The following USP6NL variants were observed in gnomAD, a reference collection of about 807,000 sequenced individuals.
The protein encoded by USP6NL is USP6 N-terminal-like protein.
In USP6NL, 26 loss-of-function variants were observed where a neutral mutation model predicts 61.9. The ratio of observed to expected loss-of-function variants is 0.42; its 90% CI spans 0.31 to 0.58. The LOEUF is 0.58. Ranked by LOEUF, USP6NL falls within the 20% of genes least tolerant of loss-of-function variation. USP6NL has a pLI of 0.16. For synonymous variants in USP6NL, 432 were observed against 390.1 expected, an observed-to-expected ratio of 1.11 and a Z score of -1.27; for missense variants, 1,114 against 1,034.3, an observed-to-expected ratio of 1.08 and a Z score of -1.06.
rs1174626425 is a variant in USP6NL, at chr10:11,598,284, C to T, written c.-83-567G>A. On this transcript the variant is annotated intron_variant, in intron 1 of 14. Transcript: ENST00000609104. The surrounding 1 kb of genome is among the most constrained non-coding windows in gnomAD (Gnocchi z 4.7). ...CATATTACCCTAACCCCTACATCTA[C>T]CCAATCATTTGGGACATATTTCCTT... Among the ~76,000 whole-genome samples, 1 of 152,120 alleles carries T rather than the reference C, an allele frequency of 6.6e-6. No individual in the cohort carries two copies. Among genetic ancestry groups the T allele is most frequent in the Non-Finnish European group, 1.5e-5 (1 of 68,014 alleles).
At chr10:11,472,591 C>G (rs918529415) in intron 14 of USP6NL, among the ~76,000 whole-genome samples, 5 of 152,230 alleles carry the variant, frequency 3.3e-5, no homozygotes, top group South Asian at 4.1e-4. Flanking sequence ...TTATCCCCTT[C>G]CAGATCAAAC....
At chr10:11,601,638 T>C (rs1838534944) in intron 1 of USP6NL, among the ~76,000 whole-genome samples, 2 of 152,228 alleles carry the variant, frequency 1.3e-5, no homozygotes, top group South Asian at 4.1e-4. Context: ...ACCACATATA[T>C]AAAGGGGTTA....
At chr10:11,580,266 A>G (rs1837707188) in intron 2 of USP6NL, among the ~76,000 whole-genome samples, 1 of 152,136 alleles carries the variant, frequency 6.6e-6, no homozygotes, top group Non-Finnish European at 1.5e-5. Flanking sequence ...TAAACAATAT[A>G]ATTTCTAAAA....
intron 14 of USP6NL, among the ~76,000 whole-genome samples, chr10:11,469,216 A>G (rs1832618616): frequency 6.6e-6 from 1 of 152,188 alleles, no homozygotes; most frequent in Non-Finnish European, 1.5e-5. Context: ...GCAGCCCCTA[A>G]TATCTTTTCC....
chr10:11,463,364 G>C lies in USP6NL; in HGVS notation c.1564C>G (p.Pro522Ala). Residue 522 changes from proline (P) to alanine (A), a missense_variant, in exon 15 of 15, where the codon CCT (proline) becomes GCT (alanine). Pro to Ala is a conservative substitution (Grantham distance 27). Coordinates refer to ENST00000609104, the MANE Select transcript of USP6NL (RefSeq NM_014688.5). This position sits in a 1 kb window ranked among gnomAD's most constrained non-coding sequence, Gnocchi z 6.3. ...ACGTTTGACACCCGCACCTCGGCAG[G>C]ACCTGGGACGGTAACTGCGAGCGCG... ...HPALAVTVPG[P>A]AEVRVSNVRP... 1 of 1,613,992 alleles carries C rather than the reference G, an allele frequency of 6.2e-7. No homozygotes were observed. Among genetic ancestry groups the C allele is most frequent in the Non-Finnish European group, 8.5e-7 (1 of 1,179,890 alleles).
chr10:11,490,918 TTTCACATA>T lies in USP6NL; in HGVS notation c.495-46_495-39del. 1 of 1,482,226 alleles carries T rather than the reference TTTCACATA, an allele frequency of 6.7e-7. No homozygotes were observed. Among genetic ancestry groups the T allele is most frequent in the South Asian group, 1.3e-5 (1 of 75,198 alleles). 91.8% of individuals were successfully genotyped at this position (1,482,226 alleles called of 1,614,324 possible). Reference sequence around the variant, plus strand: ...ATTTACATTAAATACAATTTAGTAATTTCACATATTTTAAAAATTACAAACTTAAAAAA... The same window carrying T: ...ATTTACATTAAATACAATTTAGTAATTTTTAAAAATTACAAACTTAAAAAA... On this transcript the variant is annotated intron_variant, in intron 8 of 14. Coordinates refer to ENST00000609104, the MANE Select transcript of USP6NL (RefSeq NM_014688.5). The surrounding 1 kb of genome is among the most constrained non-coding windows in gnomAD (Gnocchi z 4.5).
At chr10:11,535,983 A>AT (rs775487689) in intron 2 of USP6NL, among the ~76,000 whole-genome samples, 1 of 152,236 alleles carries the variant, frequency 6.6e-6, no homozygotes, top group Non-Finnish European at 1.5e-5. Context: ...GCTGGAAGGA[A>AT]TGCTCAGAGG....
In USP6NL at chr10:11,591,703, A is replaced by T. The variant is rs1049281499; in HGVS notation, c.4+5928T>A. ...TTTGATAAATCTCACCAAAAGGTAT[A>T]TGGAAATTTGGGGTACTATTTTTAC... On this transcript the variant is annotated intron_variant, in intron 2 of 14. Coordinates refer to ENST00000609104, the MANE Select transcript of USP6NL (RefSeq NM_014688.5). This position sits in a 1 kb window ranked among gnomAD's most constrained non-coding sequence, Gnocchi z 4.7. Among the ~76,000 whole-genome samples, 2 of 152,182 alleles carry T rather than the reference A, an allele frequency of 1.3e-5. No individual in the cohort carries two copies. Among genetic ancestry groups the T allele is most frequent in the Non-Finnish European group, 2.9e-5 (2 of 68,030 alleles).
intron 1 of USP6NL, among the ~76,000 whole-genome samples, chr10:11,609,407 T>C (rs776632474): frequency 6.6e-6 from 1 of 152,132 alleles, no homozygotes; most frequent in Admixed American, 6.5e-5. Context: ...GAACAAACTA[T>C]AACTTTCTGG....
intron 2 of USP6NL, among the ~76,000 whole-genome samples, chr10:11,567,980 G>C (rs1489042047): frequency 1.3e-5 from 2 of 152,162 alleles, no homozygotes; most frequent in Non-Finnish European, 2.9e-5. Context: ...CACGCTCTTA[G>C]CTAACCACTT....
In USP6NL at chr10:11,468,957, G is replaced by A. The variant is rs1476805982; in HGVS notation, c.1079-5108C>T. Among the ~76,000 whole-genome samples the A allele has an allele frequency of 1.3e-5, 2 of 152,084 alleles. No homozygotes were observed. Among genetic ancestry groups the A allele is most frequent in the African/African-American group, 2.4e-5 (1 of 41,404 alleles). On this transcript the variant is annotated intron_variant, in intron 14 of 14. Coordinates refer to ENST00000609104, the MANE Select transcript of USP6NL (RefSeq NM_014688.5). The surrounding 1 kb of genome is among the most constrained non-coding windows in gnomAD (Gnocchi z 4.5). ...TAGGAGATTTAATTTTTTAATATAA[G>A]GAGTAAGAAAAATATTTACCTTATA...
intron 5 of USP6NL, among the ~76,000 whole-genome samples, chr10:11,514,079 A>C (rs1049496628): frequency 1.3e-5 from 2 of 152,228 alleles, no homozygotes; most frequent in African/African-American, 4.8e-5. Flanking sequence ...CATTCAGTAA[A>C]GGTTAGTATT....
intron 1 of USP6NL, among the ~76,000 whole-genome samples, chr10:11,607,378 G>C (rs1838742070): frequency 6.6e-6 from 1 of 152,064 alleles, no homozygotes; most frequent in South Asian, 2.1e-4. Flanking sequence ...TATAAATACT[G>C]CATTAATTCT....
chr10:11,529,811 G>A (rs1835574185), intron 2 of USP6NL, among the ~76,000 whole-genome samples: 1 of 152,124 alleles, frequency 6.6e-6, no homozygotes, highest in African/African-American at 2.4e-5. Context: ...CATAGGGAAA[G>A]CAAATTAATA....
rs1290997903 is a variant in USP6NL at position 11,528,116 on chromosome 10, GAC to G, written c.5-551_5-550del. Among the ~76,000 whole-genome samples, 4 of 135,414 alleles carry G rather than the reference GAC, an allele frequency of 3.0e-5. No individual in the cohort carries two copies. The highest frequency in any genetic ancestry group is 1.1e-4 in the African/African-American group (4 of 37,632). The allele number at this position is 135,414 out of a possible 152,430, so 88.8% of individuals were successfully genotyped here. ...CAGTTTTATCATACATATGTGTGTG[GAC>G]ACACACACAGACACACACACACACA... On this transcript the variant is annotated intron_variant, in intron 2 of 14. Coordinates refer to ENST00000609104, the MANE Select transcript of USP6NL (RefSeq NM_014688.5). The surrounding 1 kb of genome is among the most constrained non-coding windows in gnomAD (Gnocchi z 4.6).
rs1221848972 is a variant in USP6NL at position 11,537,830 on chromosome 10, T to A, written c.5-10263A>T. Among the ~76,000 whole-genome samples the A allele has an allele frequency of 2.0e-5, 3 of 152,114 alleles. No homozygotes were observed. The highest frequency in any genetic ancestry group is 7.2e-5 in the African/African-American group (3 of 41,418). ...CCCACTTGTAATGCTATTGCCCAAA[T>A]GATTTCCCTTCCCGTCAGCTTCCCA... On this transcript the variant is annotated intron_variant, in intron 2 of 14. Coordinates refer to ENST00000609104, the MANE Select transcript of USP6NL (RefSeq NM_014688.5). This position sits in a 1 kb window ranked among gnomAD's most constrained non-coding sequence, Gnocchi z 5.1.
chr10:11,555,471 A>AGAGAGAAAGAGAGAG (rs1566178235), intron 2 of USP6NL, among the ~76,000 whole-genome samples: 1 of 62,214 alleles, frequency 1.6e-5, no homozygotes, highest in Admixed American at 2.1e-4. Context: ...GAGAGAGAGA[A>AGAGAGAAAGAGAGAG]AGAGAGAGAG....
Position 11,540,291 on chromosome 10 carries a change from A to ATAT in USP6NL, c.5-12727_5-12725dup, listed in dbSNP as rs1302889791. 6.6e-6 allele frequency among the ~76,000 whole-genome samples: 1 copy of ATAT among 152,244 alleles called. No homozygotes were observed. Among genetic ancestry groups the ATAT allele is most frequent in the African/African-American group, 2.4e-5 (1 of 41,458 alleles). ...GTGGTCATAATCAACTGGACCTGCT[A>ATAT]TATTATGTTTTAAGTTGTGTGTTTT... On this transcript the variant is annotated intron_variant, in intron 2 of 14. Transcript: ENST00000609104. The surrounding 1 kb of genome is among the most constrained non-coding windows in gnomAD (Gnocchi z 5.0).
rs1288659346 is a variant in USP6NL, at chr10:11,491,392, C to T, written c.495-512G>A. Among the ~76,000 whole-genome samples, 1 of 152,178 alleles carries T rather than the reference C, an allele frequency of 6.6e-6. No individual in the cohort carries two copies. The highest frequency in any genetic ancestry group is 1.5e-5 in the Non-Finnish European group (1 of 68,036). On this transcript the variant is annotated intron_variant, in intron 8 of 14. Transcript: ENST00000609104. This position sits in a 1 kb window ranked among gnomAD's most constrained non-coding sequence, Gnocchi z 4.7. ...GGAGTGGCTCCACTCATCATTCTCTCTAGAGATCCACTAGCAAAGCGTTTG... is the reference window on the plus strand; with the variant it reads ...GGAGTGGCTCCACTCATCATTCTCTTTAGAGATCCACTAGCAAAGCGTTTG...
Sources: gnomAD v4.1 joint callset for allele counts (sites outside exome capture counted in the v4.1 genomes callset) on GRCh38, gnomAD v4.1.1 for gene constraint, Gnocchi (gnomAD v3.1) non-coding constraint, MANE v1.5 for transcripts, NCBI Gene and HGNC (gene_info 2026-07-23, HGNC 2026-07-21) for gene names.